GCN1: variants seen among roughly 807,000 people sequenced by gnomAD.
The protein encoded by GCN1 is stalled ribosome sensor GCN1.
Under a neutral mutation model 288.4 loss-of-function variants are expected in GCN1, and 90 were observed. The observed-to-expected ratio is 0.31, with a 90% CI of 0.26 to 0.37. GCN1 has a LOEUF of 0.37. Among genes scored for constraint, GCN1 ranks in the 10% least tolerant of loss-of-function variants. The probability of loss-of-function intolerance (pLI) is 1.00; values close to 1 mark genes in which losing one functional copy is unlikely to be tolerated. For missense variants in GCN1, 2,586 were observed against 3,419.9 expected, an observed-to-expected ratio of 0.76 and a Z score of 6.08; for synonymous variants, 1,386 against 1,420.2, an observed-to-expected ratio of 0.98 and a Z score of 0.54.
At chr12:120,171,462 A>G (rs770049979) in intron 14 of GCN1, among the ~76,000 whole-genome samples, 3 of 152,078 alleles carry the variant, frequency 2.0e-5, no homozygotes, top group African/African-American at 4.8e-5. Context: ...GAGAAACTCC[A>G]TCTCAAAAAA....
At chr12:120,194,034 C>T (rs1200678459) in intron 1 of GCN1, among the ~76,000 whole-genome samples, 1 of 152,234 alleles carries the variant, frequency 6.6e-6, no homozygotes, top group Non-Finnish European at 1.5e-5. Flanking sequence ...AGGTAACACT[C>T]TTCCTGGACA....
At chr12:120,162,693 T>C (rs1398441223) in intron 20 of GCN1, among the ~76,000 whole-genome samples, 154 bp downstream of exon 20, 3 of 152,370 alleles carry the variant, frequency 2.0e-5, no homozygotes, top group Middle Eastern at 3.4e-3. Context: ...CCTTTTGTGC[T>C]TAAACCAGTT....
At chr12:120,192,362 T>C (rs1176276828) in intron 1 of GCN1, among the ~76,000 whole-genome samples, 1 of 152,222 alleles carries the variant, frequency 6.6e-6, no homozygotes, top group Non-Finnish European at 1.5e-5. Flanking sequence ...CTCCATTTTG[T>C]AAACTCCTTG....
chr12:120,153,812 C>A lies in GCN1; in HGVS notation c.3799G>T (p.Asp1267Tyr). The A allele has an allele frequency of 6.2e-7, 1 of 1,614,052 alleles. No individual in the cohort carries two copies. The highest frequency in any genetic ancestry group is 1.1e-5 in the South Asian group (1 of 91,078). ...FQFFVPDALN[D>Y]RHPDVRKCML... is the part of the protein sequence containing the mutation. ...CACTTCCGGACATCTGGGTGTCGGTCATTGAGGGCATCAGGGACAAAAAAC... is the reference window on the plus strand; with the variant it reads ...CACTTCCGGACATCTGGGTGTCGGTAATTGAGGGCATCAGGGACAAAAAAC... The change falls in exon 32 of 58, where the codon GAC (aspartate) becomes TAC (tyrosine). Residue 1267 changes from aspartate to tyrosine, a missense_variant. By Grantham distance (160) the Asp-to-Tyr change is radical. Transcript: ENST00000300648. This position sits in a 1 kb window ranked among gnomAD's most constrained non-coding sequence, Gnocchi z 4.4.
Position 120,178,755 on chromosome 12 carries a change from G to C in GCN1, c.530C>G (p.Pro177Arg). Residue 177 changes from proline to arginine, a missense_variant, in exon 7 of 58, where the codon CCC becomes CGC. Coordinates refer to ENST00000300648, the MANE Select transcript of GCN1 (RefSeq NM_006836.2). ...TGACAAGTACTGTTCCACCAGCCCG[G>C]GGTTCTGAAGAGGAAAGTGCCAGGC... Reference protein sequence around the residue: ...KKLTKLWKENPGLVEQYLSAI... With the variant: ...KKLTKLWKENRGLVEQYLSAI... The C allele has an allele frequency of 6.2e-7, 1 of 1,614,212 alleles. No individual in the cohort carries two copies. The highest frequency in any genetic ancestry group is 8.5e-7 in the Non-Finnish European group (1 of 1,180,028).
chr12:120,145,649 C>T (rs1200685095), intron 38 of GCN1, among the ~76,000 whole-genome samples: 2 of 152,262 alleles, frequency 1.3e-5, no homozygotes, highest in East Asian at 1.9e-4. Flanking sequence ...GAATCTTTAG[C>T]AAATTACTTC....
chr12:120,153,845 G>C lies in GCN1; in HGVS notation c.3766C>G (p.Leu1256Val). 6.2e-7 allele frequency: 1 copy of C among 1,614,090 alleles called. No individual in the cohort carries two copies. Among genetic ancestry groups the C allele is most frequent in the Non-Finnish European group, 8.5e-7 (1 of 1,179,918 alleles). ...QYLDSSQVKP[L>V]FQFFVPDALN... Reference sequence around the variant, plus strand: ...GCATCAGGGACAAAAAACTGAAAGAGTGGCTTCACCTGAGAGCTGTCCAAA... The same window carrying C: ...GCATCAGGGACAAAAAACTGAAAGACTGGCTTCACCTGAGAGCTGTCCAAA... Residue 1256 changes from leucine (L) to valine (V), a missense_variant, in exon 32 of 58, where the codon CTC (leucine) becomes GTC (valine). Leu to Val is a conservative substitution (Grantham distance 32). Around this residue, in one of 8 missense-constraint regions of GCN1, gnomAD observed 332 missense variants for 403.0 expected, o/e 0.82. Coordinates refer to ENST00000300648, the MANE Select transcript of GCN1 (RefSeq NM_006836.2). The surrounding 1 kb of genome is among the most constrained non-coding windows in gnomAD (Gnocchi z 4.4).
In GCN1 at chr12:120,164,369, C is replaced by G; in HGVS notation, c.1815G>C (p.Leu605Phe). The G allele has an allele frequency of 6.2e-7, 1 of 1,614,180 alleles. No individual in the cohort carries two copies. Among genetic ancestry groups the G allele is most frequent in the Non-Finnish European group, 8.5e-7 (1 of 1,180,020 alleles). The change falls in exon 18 of 58, where the codon TTG (leucine) becomes TTC (phenylalanine). Residue 605 changes from leucine to phenylalanine, a missense_variant. By Grantham distance (22) the Leu-to-Phe change is conservative. Coordinates refer to ENST00000300648, the MANE Select transcript of GCN1 (RefSeq NM_006836.2). ...LGGFKLAHGL[L>F]EELKTVLSSH... ...AACTGAGGACAGTCTTCAGCTCCTC[C>G]AAGAGTCCGTGCGCCAGCTTAAAGC...
chr12:120,158,376 G>T lies in GCN1; in HGVS notation c.2905+84C>A. On this transcript the variant is annotated intron_variant, in intron 25 of 57. Transcript: ENST00000300648. The surrounding 1 kb of genome is among the most constrained non-coding windows in gnomAD (Gnocchi z 4.3). ...TGGTCCAATCCCCCAGGCTCAGGAG[G>T]CCCTGGGTGACGCTGTGCCTTGAGC... The T allele has an allele frequency of 1.7e-6, 2 of 1,158,096 alleles. No individual in the cohort carries two copies. Among genetic ancestry groups the T allele is most frequent in the Non-Finnish European group, 2.4e-6 (2 of 830,612 alleles). The allele number at this position is 1,158,096 out of a possible 1,614,324, so 71.7% of individuals were successfully genotyped here. A position where few individuals can be genotyped will look rare whatever the true frequency, so the allele number is the denominator to read the frequency against.
rs1187543146 is a variant in GCN1, at chr12:120,134,067, A to AAAAC, written c.7317+220_7317+223dup. ...GGGTGACACAGCAAGACTCAGCCAA[A>AAAAC]AAACAAACAAACAAACGGAAATAAC... On this transcript the variant is annotated intron_variant, in intron 53 of 57. Transcript: ENST00000300648. This position sits in a 1 kb window ranked among gnomAD's most constrained non-coding sequence, Gnocchi z 5.0. 7.9e-5 allele frequency among the ~76,000 whole-genome samples: 12 copies of AAAAC among 152,180 alleles called. No individual in the cohort carries two copies. The highest frequency in any genetic ancestry group is 2.7e-4 in the African/African-American group (11 of 41,434).
chr12:120,190,007 C>A (rs563455087), intron 2 of GCN1, among the ~76,000 whole-genome samples: 32 of 151,204 alleles, frequency 2.1e-4, no homozygotes, highest in South Asian at 6.3e-4. Context: ...ACAAAAAAAA[C>A]CACAAAATTT....
Position 120,154,988 on chromosome 12 carries a change from G to A in GCN1, c.3683C>T (p.Pro1228Leu). 3 of 1,613,542 alleles carry A rather than the reference G, an allele frequency of 1.9e-6. No individual in the cohort carries two copies. The highest frequency in any genetic ancestry group is 2.5e-6 in the Non-Finnish European group (3 of 1,179,406). Reference protein sequence around the residue: ...ALGRVISESPPDQWEARCGLA... With the variant: ...ALGRVISESPLDQWEARCGLA... Reference sequence around the variant, plus strand: ...GTTATACCTGGCTTCCCACTGATCTGGAGGAGATTCTGAAATAACTCGTCC... The same window carrying A: ...GTTATACCTGGCTTCCCACTGATCTAGAGGAGATTCTGAAATAACTCGTCC... Residue 1228 changes from proline (P) to leucine (L), a missense_variant, in exon 31 of 58, where the codon CCA (proline) becomes CTA (leucine). Coordinates refer to ENST00000300648, the MANE Select transcript of GCN1 (RefSeq NM_006836.2).
chr12:120,179,949 G>A (rs1878598072), intron 5 of GCN1, among the ~76,000 whole-genome samples: 1 of 152,100 alleles, frequency 6.6e-6, no homozygotes. Context: ...ATGGGGATTC[G>A]AACTGCATGG....
At chr12:120,193,511 G>C (rs1175101187) in intron 1 of GCN1, among the ~76,000 whole-genome samples, 3 of 152,134 alleles carry the variant, frequency 2.0e-5, no homozygotes, top group Non-Finnish European at 4.4e-5. Flanking sequence ...TGCCACGTTG[G>C]TCAGACTAGT....
At chr12:120,165,002 T>TATACACACACACACAC (rs533586250) in intron 16 of GCN1, among the ~76,000 whole-genome samples, 25 of 136,890 alleles carry the variant, frequency 1.8e-4, no homozygotes, top group African/African-American at 6.8e-4. Context: ...TACACATATA[T>TATACACACACACACAC]ACACACACAC....
chr12:120,179,032 C>T (rs1878568243), intron 5 of GCN1, 82 bp from the exon 6 acceptor site: 16 of 1,132,814 alleles, frequency 1.4e-5, no homozygotes, highest in Non-Finnish European at 1.9e-5. Context: ...TAAAGACCTC[C>T]ATCAGACCCT....
chr12:120,167,352 CAAA>C (rs58505091), intron 16 of GCN1, among the ~76,000 whole-genome samples: 141 of 73,026 alleles, frequency 1.9e-3, no homozygotes, highest in Admixed American at 6.4e-3. Context: ...AACTCCATCT[CAAA>C]AAAAAAAAAA....
At chr12:120,154,156 T>G (rs1347186650) in intron 31 of GCN1, among the ~76,000 whole-genome samples, 2 of 152,190 alleles carry the variant, frequency 1.3e-5, no homozygotes, top group African/African-American at 2.4e-5. Flanking sequence ...TGTGTTGGTT[T>G]CCCCAGAGAG....
chr12:120,176,064 C>T lies in GCN1; in HGVS notation c.913+79G>A, dbSNP rs532066535. 9 of 1,271,234 alleles carry T rather than the reference C, an allele frequency of 7.1e-6. No homozygotes were observed. In the South Asian group the frequency reaches 8.3e-5, roughly 12 times the overall value. The allele number at this position is 1,271,234 out of a possible 1,614,324, so 78.7% of individuals were successfully genotyped here. The stretch of plus-strand genomic sequence containing the variant: ...TATTACTACCCTGAGCTGTCCCCTA[C>T]CCCTGCTACAACAATTAGGACAAGT... On this transcript the variant is annotated intron_variant, in intron 10 of 57. Coordinates refer to ENST00000300648, the MANE Select transcript of GCN1 (RefSeq NM_006836.2).
Sources: allele counts gnomAD v4.1 joint callset (sites outside exome capture counted in the v4.1 genomes callset), GRCh38; gene constraint gnomAD v4.1.1; regional missense constraint gnomAD v4.1.1; non-coding constraint Gnocchi (gnomAD v3.1); transcripts MANE v1.5; gene names NCBI Gene and HGNC (gene_info 2026-07-23, HGNC 2026-07-21).